The following CATSPERB variants were observed in gnomAD, a reference collection of about 807,000 sequenced individuals.
CATSPERB encodes the protein catsper channel auxiliary subunit beta.
A neutral mutation model predicts 128.3 loss-of-function variants in CATSPERB; 93 were observed. That is an observed-to-expected ratio of 0.72 (90% confidence interval 0.61 to 0.86). The LOEUF is 0.86. Among genes scored for constraint, CATSPERB ranks in the 40% least tolerant of loss-of-function variants. The pLI is 0.00. For missense variants in CATSPERB, 1,153 were observed against 1,329.5 expected, an observed-to-expected ratio of 0.87 and a Z score of 2.06; for synonymous variants, 381 against 448.8, an observed-to-expected ratio of 0.85 and a Z score of 1.91.
At chr14:91,697,480 C>G (rs1221762142) in intron 7 of CATSPERB, among the ~76,000 whole-genome samples, 1 of 152,126 alleles carries the variant, frequency 6.6e-6, no homozygotes, top group Non-Finnish European at 1.5e-5. Flanking sequence ...GATTTCAGAG[C>G]TAATGACATT....
intron 19 of CATSPERB, among the ~76,000 whole-genome samples, chr14:91,620,918 G>A (rs1708128091): frequency 6.6e-6 from 1 of 152,144 alleles, no homozygotes; most frequent in African/African-American, 2.4e-5. Context: ...TGTTGTTCAA[G>A]GGTCAACTGT....
chr14:91,665,684 A>G (rs544094493), intron 14 of CATSPERB, among the ~76,000 whole-genome samples: 1 of 152,286 alleles, frequency 6.6e-6, no homozygotes, highest in Non-Finnish European at 1.5e-5. Flanking sequence ...AGCCTGGCTA[A>G]CATGGTGAAA....
intron 26 of CATSPERB, among the ~76,000 whole-genome samples, chr14:91,582,979 C>T (rs1190191605): frequency 6.6e-6 from 1 of 152,206 alleles, no homozygotes; most frequent in Non-Finnish European, 1.5e-5. Context: ...AGGATGTCAC[C>T]AGCTGTGGAG....
intron 22 of CATSPERB, among the ~76,000 whole-genome samples, chr14:91,600,808 C>T (rs187172469): frequency 6.6e-6 from 1 of 152,228 alleles, no homozygotes; most frequent in Non-Finnish European, 1.5e-5. Context: ...TGGCTGGTGC[C>T]TCCCAGAGTA....
intron 4 of CATSPERB, 27 bp downstream of exon 4, chr14:91,723,022 T>A (rs17127513): frequency 0.23 from 340,064 of 1,451,468 alleles, 43,040 homozygotes; most frequent in South Asian, 0.4. Flanking sequence ...TAATAACATA[T>A]CACAGAGTAA....
At position 91,725,174 on chromosome 14, in the gene CATSPERB, T is replaced by C; in HGVS notation, c.80-6A>G. ...AAAGCGTTTCTCTGTATCATCTAAA[T>C]AATAAAAAAAATACATATATTAGAT... is the stretch of plus-strand genomic sequence containing the variant. On this transcript the variant is annotated splice_polypyrimidine_tract_variant and splice_region_variant and intron_variant, in intron 2 of 26. Coordinates refer to ENST00000256343, the MANE Select transcript of CATSPERB (RefSeq NM_024764.4). The C allele has an allele frequency of 6.9e-7, 1 of 1,454,752 alleles. No individual in the cohort carries two copies. The highest frequency in any genetic ancestry group is 9.3e-7 in the Non-Finnish European group (1 of 1,078,814). The allele number at this position is 1,454,752 out of a possible 1,614,324, so 90.1% of individuals were successfully genotyped here.
intron 20 of CATSPERB, among the ~76,000 whole-genome samples, chr14:91,616,168 A>T (rs1175668727): frequency 6.6e-6 from 1 of 152,198 alleles, no homozygotes. Context: ...GGCGTGAGCC[A>T]CTGCACCTGG....
intron 22 of CATSPERB, among the ~76,000 whole-genome samples, chr14:91,599,606 A>G (rs897449055): frequency 1.3e-5 from 2 of 151,804 alleles, no homozygotes; most frequent in Admixed American, 1.3e-4. Context: ...CACCCGTGAC[A>G]CAGCCGCAGG....
chr14:91,607,850 C>CTCCG (rs1284548887), intron 22 of CATSPERB, among the ~76,000 whole-genome samples: 26 of 152,042 alleles, frequency 1.7e-4, no homozygotes, highest in Admixed American at 1.7e-3. Context: ...CCTTGTCTCC[C>CTCCG]TCCCTCCCTC....
intron 10 of CATSPERB, 145 bp downstream of exon 10, chr14:91,691,378 T>TA (rs950663261): frequency 8.1e-6 from 3 of 369,350 alleles, no homozygotes; most frequent in Admixed American, 4.6e-5. Context: ...TTCATATATA[T>TA]AAAAAAATAT....
intron 20 of CATSPERB, among the ~76,000 whole-genome samples, chr14:91,612,020 C>CTTTG (rs895523371): frequency 1.4e-5 from 1 of 70,682 alleles, no homozygotes; most frequent in African/African-American, 4.3e-5. Flanking sequence ...TGTTTTCTTT[C>CTTTG]TTTCTTTCTT....
chr14:91,664,232 T>C (rs933572415), intron 14 of CATSPERB, among the ~76,000 whole-genome samples: 5 of 151,148 alleles, frequency 3.3e-5, no homozygotes, highest in Middle Eastern at 6.4e-3. Flanking sequence ...TTTCCCTTAG[T>C]AATATGCATT....
At chr14:91,725,815 C>G (rs1279723815) in intron 2 of CATSPERB, among the ~76,000 whole-genome samples, 3 of 152,274 alleles carry the variant, frequency 2.0e-5, no homozygotes, top group Non-Finnish European at 4.4e-5. Flanking sequence ...ACCCACAGCC[C>G]TAATGAAAAC....
chr14:91,622,369 T>C (rs1894066462), intron 18 of CATSPERB, among the ~76,000 whole-genome samples: 2 of 152,144 alleles, frequency 1.3e-5, no homozygotes, highest in South Asian at 4.1e-4. Context: ...GGATGAGTGA[T>C]TGAGTATTTA....
chr14:91,600,290 G>T (rs531039100), intron 22 of CATSPERB, among the ~76,000 whole-genome samples: 1 of 152,088 alleles, frequency 6.6e-6, no homozygotes, highest in East Asian at 1.9e-4. Flanking sequence ...CATTAAAAAA[G>T]CAATTATTAT....
chr14:91,714,617 T>G (rs541092151), intron 5 of CATSPERB, among the ~76,000 whole-genome samples: 1 of 144,822 alleles, frequency 6.9e-6, no homozygotes, highest in Non-Finnish European at 1.5e-5. Flanking sequence ...TGGAGTGCAA[T>G]GGTGCAATCT....
At chr14:91,722,021 G>A (rs1209856317) in intron 4 of CATSPERB, among the ~76,000 whole-genome samples, 4 of 152,078 alleles carry the variant, frequency 2.6e-5, no homozygotes, top group Non-Finnish European at 4.4e-5. Context: ...GGGCAACACA[G>A]CAAGACCCTG....
At chr14:91,667,533 T>G (rs1895007995) in intron 14 of CATSPERB, among the ~76,000 whole-genome samples, 1 of 152,226 alleles carries the variant, frequency 6.6e-6, no homozygotes, top group Non-Finnish European at 1.5e-5. Context: ...CAAGGCATAT[T>G]CTTCTTATGT....
chr14:91,629,056 C>G (rs1263130832), intron 17 of CATSPERB, among the ~76,000 whole-genome samples: 4 of 152,138 alleles, frequency 2.6e-5, no homozygotes, highest in Admixed American at 2.0e-4. Context: ...CTATACAAAA[C>G]CTGCAAATAG....
Sources: gnomAD v4.1 joint callset for allele counts (sites outside exome capture counted in the v4.1 genomes callset) on GRCh38, gnomAD v4.1.1 for gene constraint, MANE v1.5 for transcripts, NCBI Gene and HGNC (gene_info 2026-07-23, HGNC 2026-07-21) for gene names.